The following DCC variants were observed in gnomAD, a reference collection of about 807,000 sequenced individuals.
DCC encodes DCC netrin 1 receptor.
DCC carries 58 observed loss-of-function variants against 172.5 expected under a neutral mutation model. That is an observed-to-expected ratio of 0.34 (90% confidence interval 0.27 to 0.42). The LOEUF (loss-of-function observed/expected upper bound fraction) is 0.42. Among genes scored for constraint, DCC ranks in the 10% least tolerant of loss-of-function variants. The pLI is 1.00. For missense variants in DCC, 1,740 were observed against 1,791.0 expected, an observed-to-expected ratio of 0.97 and a Z score of 0.51; for synonymous variants, 709 against 644.5, an observed-to-expected ratio of 1.10 and a Z score of -1.52.
At chr18:52,452,010 A>G (rs750957205) in intron 1 of DCC, among the ~76,000 whole-genome samples, 22 of 152,144 alleles carry the variant, frequency 1.4e-4, no homozygotes, top group Non-Finnish European at 2.5e-4. Context: ...CTTGTTGATT[A>G]TCCTGTGTTT....
intron 1 of DCC, among the ~76,000 whole-genome samples, chr18:52,396,802 A>G (rs1986247880): frequency 6.6e-6 from 1 of 152,090 alleles, no homozygotes; most frequent in African/African-American, 2.4e-5. Flanking sequence ...AATTTAATGA[A>G]TAGTAACTAA....
intron 9 of DCC, among the ~76,000 whole-genome samples, chr18:53,196,703 C>T (rs1301117984): frequency 6.6e-6 from 1 of 151,918 alleles, no homozygotes; most frequent in Non-Finnish European, 1.5e-5. Context: ...TGTGTTTATC[C>T]ATATCTGCAT....
At chr18:52,364,742 G>T (rs1043449226) in intron 1 of DCC, among the ~76,000 whole-genome samples, 3 of 152,100 alleles carry the variant, frequency 2.0e-5, no homozygotes, top group Non-Finnish European at 4.4e-5. Context: ...TCCTGGTTTT[G>T]CCCTTCTTAG....
chr18:52,632,118 C>G (rs1221861), intron 1 of DCC, among the ~76,000 whole-genome samples: 149,899 of 152,312 alleles, frequency 0.98, 73,809 homozygotes, highest in Middle Eastern at 1. Flanking sequence ...TTTCTGCTAG[C>G]AATTATCAAT....
rs375960146 is a variant in DCC at position 53,506,727 on chromosome 18, A to T, written c.4111+7217A>T. ...CAAAAAATTAGCCGGGCATGGTGTCATGTGCCTGTAATCCCAGATACTCAG... is the reference window on the plus strand; with the variant it reads ...CAAAAAATTAGCCGGGCATGGTGTCTTGTGCCTGTAATCCCAGATACTCAG... On this transcript the variant is annotated intron_variant, in intron 27 of 28. Transcript: ENST00000442544. Among the ~76,000 whole-genome samples the T allele has an allele frequency of 9.9e-5, 15 of 152,130 alleles. No homozygotes were observed. In the East Asian group the frequency reaches 2.9e-3, roughly 29 times the overall value.
intron 12 of DCC, among the ~76,000 whole-genome samples, chr18:53,260,392 C>A (rs2056580868): frequency 6.6e-6 from 1 of 152,042 alleles, no homozygotes; most frequent in South Asian, 2.1e-4. Flanking sequence ...GTGTGGATGT[C>A]CTTTCTGTTT....
intron 1 of DCC, among the ~76,000 whole-genome samples, chr18:52,515,883 A>G (rs1671252): frequency 6.7e-6 from 1 of 150,328 alleles, no homozygotes. Context: ...TTATATAAGG[A>G]ATTCTCAAAA....
intron 8 of DCC, among the ~76,000 whole-genome samples, chr18:53,177,354 A>G (rs2055118940): frequency 6.6e-6 from 1 of 152,032 alleles, no homozygotes; most frequent in African/African-American, 2.4e-5. Context: ...AAAATTATTT[A>G]CTTATTAAAC....
chr18:52,415,298 C>T lies in DCC; in HGVS notation c.91+74420C>T, dbSNP rs145851187. Among the ~76,000 whole-genome samples, 1,375 of 152,232 alleles carry T rather than the reference C, an allele frequency of 9.0e-3. 30 individuals carry two copies. The highest frequency in any genetic ancestry group is 0.054 in the East Asian group (280 of 5,164). ...ATGATGGAAGAAGTTGGATTTAGTG[C>T]GGCATAGTGCCTCTGATTTCAAGAG... On this transcript the variant is annotated intron_variant, in intron 1 of 28. Coordinates refer to ENST00000442544, the MANE Select transcript of DCC (RefSeq NM_005215.4).
intron 2 of DCC, among the ~76,000 whole-genome samples, chr18:52,777,801 T>C (rs1416114903): frequency 6.6e-6 from 1 of 151,810 alleles, no homozygotes; most frequent in African/African-American, 2.4e-5. Flanking sequence ...ATCAGTGGGA[T>C]GTTTGAGGGA....
intron 1 of DCC, among the ~76,000 whole-genome samples, chr18:52,564,675 G>T (rs1265482807): frequency 7.0e-6 from 1 of 141,976 alleles, no homozygotes; most frequent in Non-Finnish European, 1.5e-5. Context: ...ATTGGGGGGG[G>T]GGGTGTTAAA....
intron 15 of DCC, among the ~76,000 whole-genome samples, chr18:53,359,435 T>G (rs1003661096): frequency 6.6e-6 from 1 of 152,162 alleles, no homozygotes; most frequent in Non-Finnish European, 1.5e-5. Flanking sequence ...CACATATCTA[T>G]TTTTATGAGA....
At chr18:52,484,068 T>C (rs1221967) in intron 1 of DCC, among the ~76,000 whole-genome samples, 20,308 of 152,230 alleles carry the variant, frequency 0.13, 1,780 homozygotes, top group Non-Finnish European at 0.2. Context: ...TTATTTTGTT[T>C]TGACTTTTCT....
chr18:53,287,579 G>A (rs948258532), intron 12 of DCC, among the ~76,000 whole-genome samples: 2 of 152,006 alleles, frequency 1.3e-5, no homozygotes, highest in African/African-American at 4.8e-5. Flanking sequence ...TTTCAAAGAG[G>A]CAACATCAAT....
In DCC at chr18:53,056,778, AT is replaced by A. The variant is rs369643060; in HGVS notation, c.986-6518del. ...TCACAGCCACTCAAAGATTATGGTT[AT>A]TTTTTTTTCTCCTAATAAAATCTGT... On this transcript the variant is annotated intron_variant, in intron 5 of 28. Transcript: ENST00000442544. Among the ~76,000 whole-genome samples the A allele has an allele frequency of 1.4e-3, 213 of 151,174 alleles. 1 individual carries two copies. The highest frequency in any genetic ancestry group is 4.4e-3 in the African/African-American group (181 of 41,206).
At chr18:52,551,703 C>T (rs1213854173) in intron 1 of DCC, among the ~76,000 whole-genome samples, 2 of 150,220 alleles carry the variant, frequency 1.3e-5, no homozygotes, top group African/African-American at 2.5e-5. Flanking sequence ...ATGCAGCCTC[C>T]CTTTATCACC....
intron 16 of DCC, among the ~76,000 whole-genome samples, 154 bp downstream of exon 16, chr18:53,386,292 A>G (rs960211867): frequency 7.9e-5 from 12 of 152,350 alleles, no homozygotes; most frequent in African/African-American, 2.9e-4. Flanking sequence ...GAGTCTGATA[A>G]GTACATATGT....
chr18:53,411,678 G>A (rs1277510263), intron 20 of DCC, among the ~76,000 whole-genome samples: 3 of 152,084 alleles, frequency 2.0e-5, no homozygotes, highest in Non-Finnish European at 4.4e-5. Context: ...CTGGGTTTTG[G>A]TAGCAGCTAA....
intron 1 of DCC, among the ~76,000 whole-genome samples, chr18:52,558,692 G>A (rs967991579): frequency 2.0e-5 from 3 of 152,192 alleles, no homozygotes; most frequent in East Asian, 1.9e-4. Flanking sequence ...AGGAGAACCC[G>A]GGTCTCCTCA....
Sources: gnomAD v4.1 joint callset for allele counts (sites outside exome capture counted in the v4.1 genomes callset) on GRCh38, gnomAD v4.1.1 for gene constraint, MANE v1.5 for transcripts, NCBI Gene and HGNC (gene_info 2026-07-23, HGNC 2026-07-21) for gene names.